The following TCEA1 variants were observed in gnomAD, a reference collection of about 807,000 sequenced individuals.
TCEA1 encodes the protein transcription elongation factor A protein 1.
A neutral mutation model predicts 43.8 loss-of-function variants in TCEA1; 21 were observed. That is an observed-to-expected ratio of 0.48 (90% confidence interval 0.34 to 0.69). The LOEUF is 0.69. Ranked by LOEUF, TCEA1 falls within the 30% of genes least tolerant of loss-of-function variation. The probability of loss-of-function intolerance (pLI) is 0.01; values close to 1 mark genes in which losing one functional copy is unlikely to be tolerated. For missense variants in TCEA1, 250 were observed against 365.1 expected (o/e 0.68, Z 2.57); for synonymous variants, 104 against 117.5 (o/e 0.88, Z 0.75).
intron 1 of TCEA1, among the ~76,000 whole-genome samples, chr8:54,016,117 A>C (rs1804815901): frequency 6.6e-6 from 1 of 152,230 alleles, no homozygotes; most frequent in Admixed American, 6.5e-5. Flanking sequence ...GCAGTTCCTC[A>C]AAAGGTTAAA....
At chr8:54,021,997 G>C in intron 1 of TCEA1, 66 bp downstream of exon 1, 1 of 1,403,098 alleles carries the variant, frequency 7.1e-7, no homozygotes, top group Non-Finnish European at 9.4e-7. Context: ...GGAGGGAGGG[G>C]GCGGCCCCCT....
intron 5 of TCEA1, 52 bp downstream of exon 5, chr8:53,988,062 G>C (rs1227956498): frequency 2.5e-6 from 4 of 1,584,050 alleles, no homozygotes; most frequent in Non-Finnish European, 3.4e-6. Flanking sequence ...GGAGATGGCA[G>C]TGGTTGTGGG....
At chr8:54,009,179 CAG>C (rs1804572844) in intron 2 of TCEA1, among the ~76,000 whole-genome samples, 1 of 149,180 alleles carries the variant, frequency 6.7e-6, no homozygotes, top group East Asian at 2.0e-4. Flanking sequence ...AAAAAAAAAA[CAG>C]ATGCTGGTGA....
intron 3 of TCEA1, among the ~76,000 whole-genome samples, chr8:53,994,172 C>CT (rs1803974283): frequency 6.6e-6 from 1 of 152,160 alleles, no homozygotes; most frequent in African/African-American, 2.4e-5. Context: ...TGACAAAACT[C>CT]TGTCTCTACA....
intron 3 of TCEA1, 71 bp from the exon 4 acceptor site, chr8:53,993,826 G>A: frequency 8.2e-7 from 1 of 1,219,654 alleles, no homozygotes; most frequent in Non-Finnish European, 1.2e-6. Context: ...GCGTTAACAG[G>A]CTATTTGCAC....
chr8:53,967,156 T>C lies in TCEA1; in HGVS notation c.*948A>G. ...TCTCCACATGGAAAGACCACAGCTTTAATGAATTATACAATCCTTAAGATT... is the reference window on the plus strand; with the variant it reads ...TCTCCACATGGAAAGACCACAGCTTCAATGAATTATACAATCCTTAAGATT... On this transcript the variant is annotated 3_prime_UTR_variant, in exon 10 of 10. Coordinates refer to ENST00000521604, the MANE Select transcript of TCEA1 (RefSeq NM_006756.4). 4.8e-6 allele frequency: 1 copy of C among 209,022 alleles called. No individual in the cohort carries two copies. Among genetic ancestry groups the C allele is most frequent in the East Asian group, 7.3e-5 (1 of 13,650 alleles). The allele number at this position is 209,022 out of a possible 1,614,324, so 12.9% of individuals were successfully genotyped here.
At chr8:54,021,939 G>T in intron 1 of TCEA1, 124 bp downstream of exon 1, 1 of 991,108 alleles carries the variant, frequency 1.0e-6, no homozygotes, top group Non-Finnish European at 1.3e-6. Context: ...CGCGGGCGCG[G>T]CGGGCCCGGC....
At chr8:53,985,724 A>G (rs1327383711) in intron 6 of TCEA1, among the ~76,000 whole-genome samples, 3 of 152,168 alleles carry the variant, frequency 2.0e-5, no homozygotes. Context: ...ACTCACACAC[A>G]GTACCCCTCT....
At chr8:54,003,779 GA>G (rs1443720188) in intron 2 of TCEA1, among the ~76,000 whole-genome samples, 2 of 151,498 alleles carry the variant, frequency 1.3e-5, no homozygotes, top group Non-Finnish European at 2.9e-5. Flanking sequence ...AGCAATCAAA[GA>G]AAAAATAGAA....
At chr8:53,969,369 A>G (rs1803088466) in intron 9 of TCEA1, among the ~76,000 whole-genome samples, 1 of 152,186 alleles carries the variant, frequency 6.6e-6, no homozygotes, top group African/African-American at 2.4e-5. Context: ...CCAAATGGAT[A>G]TCTTCGACAT....
chr8:53,996,638 A>G (rs1226324569), intron 3 of TCEA1, among the ~76,000 whole-genome samples: 1 of 152,172 alleles, frequency 6.6e-6, no homozygotes, highest in Non-Finnish European at 1.5e-5. Flanking sequence ...AACAACTGGC[A>G]AGTGATCAAC....
At chr8:54,016,751 G>A (rs570030586) in intron 1 of TCEA1, among the ~76,000 whole-genome samples, 5 of 152,066 alleles carry the variant, frequency 3.3e-5, no homozygotes, top group African/African-American at 7.2e-5. Context: ...CAAGACAGGC[G>A]GATTATGAGG....
At chr8:53,980,112 A>C (rs1803457586) in intron 7 of TCEA1, among the ~76,000 whole-genome samples, 1 of 152,144 alleles carries the variant, frequency 6.6e-6, no homozygotes, top group South Asian at 2.1e-4. Context: ...GGCGGGAAGA[A>C]GCTGTCAGGT....
In TCEA1 at chr8:53,983,639, G is replaced by A. The variant is rs769786086; in HGVS notation, c.678+724C>T. On this transcript the variant is annotated intron_variant, in intron 7 of 9. Transcript: ENST00000521604. ...GCCAAGACTATGCCATTGCATCCCAGCCCAGGCAACAAGGGCAAAATTTCG... is the reference window on the plus strand; with the variant it reads ...GCCAAGACTATGCCATTGCATCCCAACCCAGGCAACAAGGGCAAAATTTCG... 1.3e-4 allele frequency among the ~76,000 whole-genome samples: 20 copies of A among 149,684 alleles called. 1 individual carries two copies. Among genetic ancestry groups the A allele is most frequent in the Admixed American group, 4.0e-4 (6 of 15,046 alleles).
In TCEA1 at chr8:54,010,418, A is replaced by G. The variant is rs780634920; in HGVS notation, c.126+12T>C. On this transcript the variant is annotated intron_variant, in intron 2 of 9. Coordinates refer to ENST00000521604, the MANE Select transcript of TCEA1 (RefSeq NM_006756.4). ...ACCTATTAAAAAAACTTTGATGCAT[A>G]AAAGCACATACCTGCAGTAATTCCA... 6.3e-7 allele frequency: 1 copy of G among 1,593,286 alleles called. No homozygotes were observed.
intron 1 of TCEA1, among the ~76,000 whole-genome samples, chr8:54,013,093 C>T (rs1166064387): frequency 9.9e-5 from 15 of 151,920 alleles, no homozygotes; most frequent in Non-Finnish European, 4.4e-5. Context: ...GGTAAAGAAT[C>T]ACACTTCTAG....
At chr8:54,010,347 C>CA (rs1339970494) in intron 2 of TCEA1, 83 bp downstream of exon 2, 2 of 1,073,694 alleles carry the variant, frequency 1.9e-6, no homozygotes, top group Non-Finnish European at 2.7e-6. Flanking sequence ...CAAGAGACTA[C>CA]AAAAACATAT....
intron 1 of TCEA1, among the ~76,000 whole-genome samples, chr8:54,016,227 G>A (rs770606617): frequency 6.6e-5 from 10 of 151,790 alleles, no homozygotes; most frequent in Admixed American, 2.0e-4. Flanking sequence ...CTGTAATCCC[G>A]GCACTTTAGG....
intron 7 of TCEA1, among the ~76,000 whole-genome samples, chr8:53,981,795 C>A (rs1201984676): frequency 6.6e-6 from 1 of 151,858 alleles, no homozygotes; most frequent in Non-Finnish European, 1.5e-5. Context: ...CTCTGTCACC[C>A]ACGCTGGAGC....
Sources: allele counts gnomAD v4.1 joint callset (sites outside exome capture counted in the v4.1 genomes callset), GRCh38; gene constraint gnomAD v4.1.1; transcripts MANE v1.5; gene names NCBI Gene and HGNC (gene_info 2026-07-23, HGNC 2026-07-21).